Variants in KLHL1 observed in about 807,000 individuals in gnomAD.
The protein encoded by KLHL1 is kelch-like protein 1.
KLHL1 carries 47 observed loss-of-function variants against 77.7 expected under a neutral mutation model. The observed-to-expected ratio is 0.60, with a 90% CI of 0.48 to 0.77. The LOEUF (loss-of-function observed/expected upper bound fraction) is 0.77, where lower values mean the gene tolerates loss of function less well. Ranked by LOEUF, KLHL1 falls within the 30% of genes least tolerant of loss-of-function variation. The pLI is 0.00. For synonymous variants in KLHL1, 360 were observed against 325.2 expected, an observed-to-expected ratio of 1.11 and a Z score of -1.15; for missense variants, 925 against 910.8, an observed-to-expected ratio of 1.02 and a Z score of -0.20.
At chr13:69,768,776 A>T (rs1458138062) in intron 7 of KLHL1, among the ~76,000 whole-genome samples, 1 of 152,114 alleles carries the variant, frequency 6.6e-6, no homozygotes, top group African/African-American at 2.4e-5. Flanking sequence ...CTGAATTGAG[A>T]TTTTTTGATT....
intron 8 of KLHL1, among the ~76,000 whole-genome samples, chr13:69,727,842 A>G (rs1186323116): frequency 1.3e-5 from 2 of 151,286 alleles, no homozygotes; most frequent in Admixed American, 1.3e-4. Flanking sequence ...ATGAAAACAC[A>G]TCACTGCTCT....
rs138376870 is a variant in KLHL1, at chr13:70,007,307, T to C, written c.498-31505A>G. On this transcript the variant is annotated intron_variant, in intron 1 of 10. Transcript: ENST00000377844. ...ACATTTTATAAGTTTCTTCCAGTAATTTTATTCTGCTCAAAATACAATTTC... is the reference window on the plus strand; with the variant it reads ...ACATTTTATAAGTTTCTTCCAGTAACTTTATTCTGCTCAAAATACAATTTC... Among the ~76,000 whole-genome samples the C allele has an allele frequency of 2.8e-3, 419 of 152,140 alleles. 4 individuals are homozygous for C. The highest frequency in any genetic ancestry group is 0.024 in the Admixed American group (361 of 15,226).
At chr13:69,878,392 C>T (rs1475205002) in intron 5 of KLHL1, among the ~76,000 whole-genome samples, 1 of 151,996 alleles carries the variant, frequency 6.6e-6, no homozygotes, top group East Asian at 1.9e-4. Context: ...TTCTCTCACT[C>T]ACCTGAAATT....
intron 5 of KLHL1, among the ~76,000 whole-genome samples, chr13:69,850,411 T>A (rs1317140064): frequency 1.3e-5 from 2 of 151,514 alleles, no homozygotes; most frequent in Non-Finnish European, 3.0e-5. Flanking sequence ...AGCAAAGTTC[T>A]TTATCTCTTT....
intron 1 of KLHL1, among the ~76,000 whole-genome samples, chr13:69,980,506 C>A (rs1047012674): frequency 6.6e-6 from 1 of 152,110 alleles, no homozygotes; most frequent in African/African-American, 2.4e-5. Flanking sequence ...CAAATAATTT[C>A]AGTTTCTGCA....
At chr13:69,937,663 G>A (rs74090620) in intron 4 of KLHL1, among the ~76,000 whole-genome samples, 2,036 of 152,110 alleles carry the variant, frequency 0.013, 53 homozygotes, top group African/African-American at 0.046. Flanking sequence ...TGCTGAGCTC[G>A]CAATCAAAAT....
intron 6 of KLHL1, among the ~76,000 whole-genome samples, chr13:69,806,252 GCCACAACTT>G (rs1877611880): frequency 2.6e-5 from 4 of 152,064 alleles, no homozygotes; most frequent in African/African-American, 9.7e-5. Context: ...AGTTCACATG[GCCACAACTT>G]GATAAATGTT....
At chr13:69,714,172 C>CA (rs1490664413) in intron 9 of KLHL1, among the ~76,000 whole-genome samples, 3 of 151,640 alleles carry the variant, frequency 2.0e-5, no homozygotes, top group Admixed American at 6.6e-5. Flanking sequence ...ATTTTCAATG[C>CA]AAAAAAAATT....
At chr13:69,906,110 T>G (rs1162357220) in intron 4 of KLHL1, among the ~76,000 whole-genome samples, 1 of 152,032 alleles carries the variant, frequency 6.6e-6, no homozygotes, top group African/African-American at 2.4e-5. Context: ...ACTATACACT[T>G]TATTTCCTTC....
intron 1 of KLHL1, among the ~76,000 whole-genome samples, chr13:70,086,556 G>C (rs1193573911): frequency 3.5e-5 from 4 of 114,924 alleles, no homozygotes; most frequent in African/African-American, 1.4e-4. Context: ...CTGGGTGACA[G>C]AGGGAAGCTC....
Position 69,740,406 on chromosome 13 carries a change from G to T in KLHL1, c.1790C>A (p.Ala597Glu). ...AAAATTTACTTACTTGCCATTCAAT[G>T]CTGCTACACCAACTGTGCTCCGAGC... is the stretch of plus-strand genomic sequence containing the variant. ...SIARSTVGVA[A>E]LNGKLYSVGG... The change falls in exon 8 of 11, where the codon GCA becomes GAA. Residue 597 changes from alanine to glutamate, a missense_variant. Coordinates refer to ENST00000377844, the MANE Select transcript of KLHL1 (RefSeq NM_020866.3). 6.3e-7 allele frequency: 1 copy of T among 1,575,502 alleles called. No homozygotes were observed. Among genetic ancestry groups the T allele is most frequent in the Non-Finnish European group, 8.6e-7 (1 of 1,157,180 alleles).
intron 2 of KLHL1, among the ~76,000 whole-genome samples, chr13:69,964,857 G>A (rs977769964): frequency 2.6e-5 from 4 of 151,734 alleles, no homozygotes; most frequent in South Asian, 2.1e-4. Context: ...GTCATCTCTT[G>A]GTCAATTTCC....
chr13:69,784,332 C>G lies in KLHL1; in HGVS notation c.1639+12406G>C, dbSNP rs1196264715. Reference sequence around the variant, plus strand: ...ATGACAGGACCAAACTCACACATAACAATGTTAACTTTAAATGTAAATGGA... The same window carrying G: ...ATGACAGGACCAAACTCACACATAAGAATGTTAACTTTAAATGTAAATGGA... On this transcript the variant is annotated intron_variant, in intron 7 of 10. Coordinates refer to ENST00000377844, the MANE Select transcript of KLHL1 (RefSeq NM_020866.3). 5.3e-5 allele frequency among the ~76,000 whole-genome samples: 8 copies of G among 152,150 alleles called. No individual in the cohort carries two copies. In the South Asian group the frequency reaches 1.2e-3, roughly 24 times the overall value.
intron 6 of KLHL1, among the ~76,000 whole-genome samples, chr13:69,820,772 G>A (rs1490811932): frequency 1.3e-5 from 2 of 152,178 alleles, no homozygotes; most frequent in East Asian, 1.9e-4. Flanking sequence ...GAGGTTGCCC[G>A]TGCTGTGACA....
rs534908254 is a variant in KLHL1 at position 70,040,391 on chromosome 13, C to T, written c.498-64589G>A. On this transcript the variant is annotated intron_variant, in intron 1 of 10. Transcript: ENST00000377844. ...TTGGGTGTCAGGATCATTAGAAGCA[C>T]AAACCTCAGCATCATGCAGTATACA... 5.6e-4 allele frequency among the ~76,000 whole-genome samples: 86 copies of T among 152,280 alleles called. 2 individuals carry two copies. The highest frequency in any genetic ancestry group is 5.9e-4 in the Admixed American group (9 of 15,282).
chr13:70,084,784 A>G (rs1887493124), intron 1 of KLHL1, among the ~76,000 whole-genome samples: 1 of 151,542 alleles, frequency 6.6e-6, no homozygotes, highest in Non-Finnish European at 1.5e-5. Flanking sequence ...CGTCTATTTC[A>G]TATTTTCTAC....
At chr13:69,965,341 A>G (rs1192268656) in intron 2 of KLHL1, among the ~76,000 whole-genome samples, 1 of 152,172 alleles carries the variant, frequency 6.6e-6, no homozygotes, top group Admixed American at 6.6e-5. Flanking sequence ...TGTCTGTTAC[A>G]GTAATTTGTG....
At chr13:69,738,941 A>C (rs983040257) in intron 8 of KLHL1, among the ~76,000 whole-genome samples, 2 of 152,148 alleles carry the variant, frequency 1.3e-5, no homozygotes, top group Admixed American at 1.3e-4. Context: ...ACCCCTAGAC[A>C]CATAATCATC....
At chr13:69,779,991 A>G (rs1205074086) in intron 7 of KLHL1, among the ~76,000 whole-genome samples, 1 of 151,784 alleles carries the variant, frequency 6.6e-6, no homozygotes, top group African/African-American at 2.4e-5. Flanking sequence ...TTTAGTAGAG[A>G]CAGGGTTTCA....
Sources: allele counts gnomAD v4.1 joint callset (sites outside exome capture counted in the v4.1 genomes callset), GRCh38; gene constraint gnomAD v4.1.1; transcripts MANE v1.5; gene names NCBI Gene and HGNC (gene_info 2026-07-23, HGNC 2026-07-21).